Variants in ERN1 observed in about 807,000 individuals in gnomAD.
The protein encoded by ERN1 is endoplasmic reticulum to nucleus signaling 1, also known as serine/threonine-protein kinase/endoribonuclease IRE1.
ERN1 carries 39 observed loss-of-function variants against 113.1 expected under a neutral mutation model. The observed-to-expected ratio is 0.34, with a 90% CI of 0.27 to 0.45. The LOEUF is 0.45. Among genes scored for constraint, ERN1 ranks in the 20% least tolerant of loss-of-function variants. The pLI is 1.00. For synonymous variants in ERN1, 507 were observed against 515.9 expected (o/e 0.98, Z 0.23); for missense variants, 976 against 1,274.8 (o/e 0.77, Z 3.57).
At chr17:64,061,846 GT>G (rs1913065043) in intron 10 of ERN1, among the ~76,000 whole-genome samples, 1 of 152,250 alleles carries the variant, frequency 6.6e-6, no homozygotes, top group African/African-American at 2.4e-5. Flanking sequence ...CTGTGCAGCA[GT>G]GTCCTGCCCT....
intron 2 of ERN1, among the ~76,000 whole-genome samples, chr17:64,094,623 TTTC>T (rs1567878183): frequency 6.7e-6 from 1 of 149,338 alleles, no homozygotes; most frequent in Non-Finnish European, 1.5e-5. Context: ...ACTCCCATCC[TTTC>T]TTTTTTTTTT....
chr17:64,069,903 A>C (rs1216987090), intron 6 of ERN1, among the ~76,000 whole-genome samples: 3 of 152,112 alleles, frequency 2.0e-5, no homozygotes, highest in Non-Finnish European at 2.9e-5. Context: ...GTTGTAAACT[A>C]CTGCAGCCTG....
At chr17:64,098,858 CT>C (rs1378008385) in intron 1 of ERN1, among the ~76,000 whole-genome samples, 1 of 151,946 alleles carries the variant, frequency 6.6e-6, no homozygotes, top group African/African-American at 2.4e-5. Context: ...TCTCAACAAA[CT>C]TAAAACAAAA....
intron 1 of ERN1, among the ~76,000 whole-genome samples, chr17:64,128,161 A>ATTTTTTTT (rs760752335): frequency 3.2e-5 from 4 of 126,400 alleles, no homozygotes; most frequent in Admixed American, 7.8e-5. Flanking sequence ...CGCCCGGCTA[A>ATTTTTTTT]TTTTTTTTTT....
chr17:64,046,608 T>C (rs564024043), intron 19 of ERN1, among the ~76,000 whole-genome samples: 4 of 152,234 alleles, frequency 2.6e-5, no homozygotes, highest in African/African-American at 9.6e-5. Flanking sequence ...ATCTGAATGG[T>C]TGGGCCAGGC....
chr17:64,055,764 G>T lies in ERN1; in HGVS notation c.1583C>A (p.Thr528Lys). 1 of 1,609,356 alleles carries T rather than the reference G, an allele frequency of 6.2e-7. No homozygotes were observed. Residue 528 changes from threonine to lysine, a missense_variant, in exon 13 of 22, where the codon ACG (threonine) becomes AAG (lysine). Thr to Lys is a moderately conservative substitution (Grantham distance 78, BLOSUM62 -1). This residue lies in a region of ERN1 where 112 missense variants were observed against 106.2 expected (regional missense o/e 1.05). Coordinates refer to ENST00000433197, the MANE Select transcript of ERN1 (RefSeq NM_001433.5). Reference protein sequence around the residue: ...SESSGTSSPSTSPRASNHSLC... With the variant: ...SESSGTSSPSKSPRASNHSLC... ...CGAGTGGTTGGAGGCCCTGGGGGAC[G>T]TGCTGGGGCTGCTGGTGCCCGAGCT...
At chr17:64,072,126 C>T (rs372570306) in intron 5 of ERN1, 23 bp from the exon 6 acceptor site, 8 of 1,611,798 alleles carry the variant, frequency 5.0e-6, no homozygotes, top group East Asian at 2.2e-5. Flanking sequence ...AAAAACACAT[C>T]GTCGTTTACA....
rs762402596 is a variant in ERN1, at chr17:64,121,188, T to C, written c.54+8788A>G. 7.9e-5 allele frequency among the ~76,000 whole-genome samples: 12 copies of C among 152,154 alleles called. 1 individual carries two copies. The highest frequency in any genetic ancestry group is 3.9e-4 in the Admixed American group (6 of 15,280). ...GCCAGAGTCACAGCCACTGTCTCTC[T>C]CCTGTCATCACAGACCTGCTCCCTG... On this transcript the variant is annotated intron_variant, in intron 1 of 21. Coordinates refer to ENST00000433197, the MANE Select transcript of ERN1 (RefSeq NM_001433.5).
At chr17:64,056,959 T>A (rs544550949) in intron 12 of ERN1, among the ~76,000 whole-genome samples, 2 of 152,308 alleles carry the variant, frequency 1.3e-5, no homozygotes, top group South Asian at 4.1e-4. Flanking sequence ...TAACAGCATC[T>A]CGATGCTCTG....
intron 4 of ERN1, among the ~76,000 whole-genome samples, chr17:64,077,152 C>T (rs893451085): frequency 6.6e-6 from 1 of 152,174 alleles, no homozygotes; most frequent in African/African-American, 2.4e-5. Context: ...TACAAACTTG[C>T]CCTCCTCCCC....
At chr17:64,079,253 T>C (rs1913691990) in intron 4 of ERN1, among the ~76,000 whole-genome samples, 1 of 152,164 alleles carries the variant, frequency 6.6e-6, no homozygotes, top group South Asian at 2.1e-4. Flanking sequence ...GTTTAGATTC[T>C]CAAATGGAAA....
intron 2 of ERN1, among the ~76,000 whole-genome samples, chr17:64,084,233 C>CGA (rs1267904900): frequency 3.3e-5 from 5 of 152,130 alleles, no homozygotes; most frequent in African/African-American, 1.2e-4. Flanking sequence ...CCACCATTCT[C>CGA]CTAGAAGAAA....
intron 10 of ERN1, among the ~76,000 whole-genome samples, chr17:64,062,889 GA>G (rs1913097636): frequency 6.6e-6 from 1 of 152,166 alleles, no homozygotes; most frequent in African/African-American, 2.4e-5. Flanking sequence ...GAAACAGGAT[GA>G]AAAAAGAAAT....
chr17:64,088,807 C>A (rs1192853620), intron 2 of ERN1, among the ~76,000 whole-genome samples: 1 of 152,140 alleles, frequency 6.6e-6, no homozygotes, highest in Non-Finnish European at 1.5e-5. Flanking sequence ...ATAAAGGCAG[C>A]CGGCCCCAAG....
intron 1 of ERN1, chr17:64,098,551 C>T (rs1350489583): frequency 3.4e-6 from 2 of 585,480 alleles, no homozygotes; most frequent in Non-Finnish European, 6.6e-6. Flanking sequence ...TTTCTGACTT[C>T]CTTCTCTTGG....
chr17:64,097,923 G>A (rs879237377), intron 2 of ERN1, 198 bp downstream of exon 2: 7 of 623,808 alleles, frequency 1.1e-5, no homozygotes, highest in South Asian at 1.1e-4. Flanking sequence ...TTCTTTAACT[G>A]ATGCACTTAG....
chr17:64,061,083 C>T (rs182779502), intron 10 of ERN1, among the ~76,000 whole-genome samples: 2 of 152,190 alleles, frequency 1.3e-5, no homozygotes, highest in East Asian at 1.9e-4. Flanking sequence ...ACATTACTTG[C>T]GAGAAAGCAG....
intron 6 of ERN1, among the ~76,000 whole-genome samples, chr17:64,071,511 C>A (rs777219733): frequency 3.3e-5 from 5 of 152,072 alleles, no homozygotes; most frequent in Non-Finnish European, 7.4e-5. Flanking sequence ...ACCTCCACCT[C>A]CCCAGTTCAG....
chr17:64,072,230 G>A lies in ERN1; in HGVS notation c.356-127C>T, dbSNP rs1429406598. The A allele has an allele frequency of 4.1e-6, 4 of 981,004 alleles. No homozygotes were observed. The African/African-American group carries it at 4.9e-5, about 12-fold the overall frequency. 60.8% of individuals were successfully genotyped at this position (981,004 alleles called of 1,614,324 possible). A position where few individuals can be genotyped will look rare whatever the true frequency, so the allele number is the denominator to read the frequency against. Reference sequence around the variant, plus strand: ...AATTTCTTAGGATGTCATTTCTAAGGTGATGATATAAATGGTAATGCAGAG... The same window carrying A: ...AATTTCTTAGGATGTCATTTCTAAGATGATGATATAAATGGTAATGCAGAG... On this transcript the variant is annotated intron_variant, in intron 5 of 21. Coordinates refer to ENST00000433197, the MANE Select transcript of ERN1 (RefSeq NM_001433.5).
Sources: gnomAD v4.1 joint callset for allele counts (sites outside exome capture counted in the v4.1 genomes callset) on GRCh38, gnomAD v4.1.1 for gene constraint, gnomAD v4.1.1 regional missense constraint, MANE v1.5 for transcripts, NCBI Gene and HGNC (gene_info 2026-07-23, HGNC 2026-07-21) for gene names.